Variants in NYNRIN observed in about 807,000 individuals in gnomAD.
NYNRIN encodes the protein NYN domain and retroviral integrase containing, also known as protein NYNRIN.
A neutral mutation model predicts 146.6 loss-of-function variants in NYNRIN; 86 were observed. The observed-to-expected ratio is 0.59, with a 90% CI of 0.49 to 0.70. The LOEUF is 0.70. Among genes scored for constraint, NYNRIN ranks in the 30% least tolerant of loss-of-function variants. The pLI, the probability that NYNRIN is intolerant of heterozygous loss-of-function variation, is 0.00. For missense variants in NYNRIN, 2,191 were observed against 2,377.7 expected (o/e 0.92, Z 1.63); for synonymous variants, 1,027 against 1,001.3 (o/e 1.03, Z -0.48).
At chr14:24,406,940 C>T (rs1299375572) in intron 2 of NYNRIN, among the ~76,000 whole-genome samples, 1 of 152,202 alleles carries the variant, frequency 6.6e-6, no homozygotes, top group African/African-American at 2.4e-5. Context: ...CTTGGTCTGC[C>T]CAGAAAGCCA....
At chr14:24,403,354 C>T (rs1028731262) in intron 2 of NYNRIN, among the ~76,000 whole-genome samples, 1 of 152,182 alleles carries the variant, frequency 6.6e-6, no homozygotes. Flanking sequence ...TCTTTTGGTT[C>T]TAAATTTTTT....
chr14:24,411,078 A>G lies in NYNRIN; in HGVS notation c.2417A>G (p.His806Arg). 1 of 1,613,762 alleles carries G rather than the reference A, an allele frequency of 6.2e-7. No homozygotes were observed. Among genetic ancestry groups the G allele is most frequent in the Non-Finnish European group, 8.5e-7 (1 of 1,179,848 alleles). ...VIDGSSVAMV[H>R]GLQHFFSCRG... is the part of the protein sequence containing the mutation. ...TTCCTTGTCCCACGACCCCACAGGCATGGCCTGCAGCACTTCTTCTCCTGC... is the reference window on the plus strand; with the variant it reads ...TTCCTTGTCCCACGACCCCACAGGCGTGGCCTGCAGCACTTCTTCTCCTGC... The change falls in exon 5 of 9, where the codon CAT (histidine) becomes CGT (arginine). Residue 806 changes from histidine to arginine, a missense_variant and splice_region_variant. Around this residue, in one of 3 missense-constraint regions of NYNRIN, gnomAD observed 1,291 missense variants for 1,417.0 expected, o/e 0.91. Coordinates refer to ENST00000382554, the MANE Select transcript of NYNRIN (RefSeq NM_025081.3). This position sits in a 1 kb window ranked among gnomAD's most constrained non-coding sequence, Gnocchi z 4.3.
Position 24,413,014 on chromosome 14 carries a change from C to T in NYNRIN, c.2660C>T (p.Ala887Val). Residue 887 changes from alanine to valine, a missense_variant, in exon 7 of 9, where the codon GCA becomes GTA. Coordinates refer to ENST00000382554, the MANE Select transcript of NYNRIN (RefSeq NM_025081.3). ...CCCTGCAGGTTCATGGTAAAGCTGGCAGAGGAGACAGATGGCATCATTGTC... is the reference window on the plus strand; with the variant it reads ...CCCTGCAGGTTCATGGTAAAGCTGGTAGAGGAGACAGATGGCATCATTGTC... ...TYDYRFMVKL[A>V]EETDGIIVTN... 1 of 1,597,958 alleles carries T rather than the reference C, an allele frequency of 6.3e-7. No homozygotes were observed. Among genetic ancestry groups the T allele is most frequent in the Non-Finnish European group, 8.5e-7 (1 of 1,171,982 alleles).
intron 2 of NYNRIN, among the ~76,000 whole-genome samples, chr14:24,400,598 G>GT (rs1174657388): frequency 2.0e-5 from 3 of 152,102 alleles, no homozygotes; most frequent in African/African-American, 7.2e-5. Context: ...TTTGACAGAG[G>GT]TGCTAGGAGG....
At chr14:24,414,458 G>C in intron 8 of NYNRIN, 138 bp from the exon 9 acceptor site, 5 of 1,314,924 alleles carry the variant, frequency 3.8e-6, no homozygotes, top group Non-Finnish European at 5.0e-6. Flanking sequence ...GGGCCCAATT[G>C]TGCCTATGCC....
chr14:24,414,264 G>C (rs2042930109), intron 8 of NYNRIN, among the ~76,000 whole-genome samples: 2 of 152,236 alleles, frequency 1.3e-5, no homozygotes, highest in South Asian at 4.1e-4. Context: ...CCCTTTTCCA[G>C]GATTGCTCAT....
In NYNRIN at chr14:24,415,688, G is replaced by T. The variant is rs779890793; in HGVS notation, c.3939G>T (p.Ser1313=). ...DLSTFVCIHM[S]GYCFYREDEW... ...CCACGTTCGTCTGCATCCACATGTC[G>T]GGCTACTGCTTCTACCGTGAGGATG... Residue 1313 remains serine, a synonymous_variant, in exon 9 of 9, where the codon TCG becomes TCT. Coordinates refer to ENST00000382554, the MANE Select transcript of NYNRIN (RefSeq NM_025081.3). 1 of 1,613,876 alleles carries T rather than the reference G, an allele frequency of 6.2e-7. No individual in the cohort carries two copies. Among genetic ancestry groups the T allele is most frequent in the South Asian group, 1.1e-5 (1 of 91,064 alleles).
Position 24,414,247 on chromosome 14 carries a change from C to A in NYNRIN, c.2847-349C>A, listed in dbSNP as rs190253645. Among the ~76,000 whole-genome samples, 42 of 152,370 alleles carry A rather than the reference C, an allele frequency of 2.8e-4. 1 individual carries two copies. In the East Asian group the frequency reaches 7.7e-3, roughly 28 times the overall value. ...CAGGCTCTCCTTCACTTTGGTGACA[C>A]TGCCCCCCCTTTTCCAGGATTGCTC... On this transcript the variant is annotated intron_variant, in intron 8 of 8. Coordinates refer to ENST00000382554, the MANE Select transcript of NYNRIN (RefSeq NM_025081.3).
At position 24,413,323 on chromosome 14, in the gene NYNRIN, C is replaced by A. The variant is rs368021960; in HGVS notation, c.2752C>A (p.Pro918Thr). 1 of 1,612,590 alleles carries A rather than the reference C, an allele frequency of 6.2e-7. No individual in the cohort carries two copies. The highest frequency in any genetic ancestry group is 1.3e-5 in the African/African-American group (1 of 74,904). The change falls in exon 8 of 9, where the codon CCT (proline) becomes ACT (threonine). Residue 918 changes from proline to threonine, a missense_variant. Transcript: ENST00000382554. ...TTCTCCCCCTGGGCCCAGCTTGCTGCCTTTCACCTTTGCGGGGAATCTCTT... is the reference window on the plus strand; with the variant it reads ...TTCTCCCCCTGGGCCCAGCTTGCTGACTTTCACCTTTGCGGGGAATCTCTT... Reference protein sequence around the residue: ...KKLMVKDRLLPFTFAGNLFMV... With the variant: ...KKLMVKDRLLTFTFAGNLFMV...
At position 24,404,145 on chromosome 14, in the gene NYNRIN, G is replaced by A. The variant is rs370108521; in HGVS notation, c.199-3724G>A. ...GGGAAATGTGGGGAAGTATTTAGTC[G>A]ATGATTTCCTCTCCTGTGCTATCTC... On this transcript the variant is annotated intron_variant, in intron 2 of 8. Coordinates refer to ENST00000382554, the MANE Select transcript of NYNRIN (RefSeq NM_025081.3). 2.6e-5 allele frequency among the ~76,000 whole-genome samples: 4 copies of A among 152,302 alleles called. No homozygotes were observed. In the East Asian group the frequency reaches 5.8e-4, roughly 22 times the overall value.
In NYNRIN at chr14:24,409,688, G is replaced by C. The variant is rs1015112049; in HGVS notation, c.1894G>C (p.Val632Leu). The C allele has an allele frequency of 2.5e-6, 4 of 1,605,994 alleles. No homozygotes were observed. Residue 632 changes from valine to leucine, a missense_variant, in exon 4 of 9, where the codon GTA becomes CTA. Coordinates refer to ENST00000382554, the MANE Select transcript of NYNRIN (RefSeq NM_025081.3). ...PKTPQAQKMPVAKTSPAGPKT... is the reference protein window; with the variant it reads ...PKTPQAQKMPLAKTSPAGPKT... ...AACTCCCCAGGCTCAGAAGATGCCT[G>C]TAGCAAAAACATCACCTGCAGGTCC...
rs1566489353 is a variant in NYNRIN, at chr14:24,418,187, C to T, written c.*741C>T. 2.2e-6 allele frequency: 1 copy of T among 447,408 alleles called. No individual in the cohort carries two copies. Among genetic ancestry groups the T allele is most frequent in the African/African-American group, 2.0e-5 (1 of 49,648 alleles). 27.7% of individuals were successfully genotyped at this position (447,408 alleles called of 1,614,324 possible). A position where few individuals can be genotyped will look rare whatever the true frequency, so the allele number is the denominator to read the frequency against. On this transcript the variant is annotated 3_prime_UTR_variant, in exon 9 of 9. Transcript: ENST00000382554. Reference sequence around the variant, plus strand: ...TGACTCCAGCCAATGGAGACAATTCCTGACCCCTGCTTTGATGGTGTTGAC... The same window carrying T: ...TGACTCCAGCCAATGGAGACAATTCTTGACCCCTGCTTTGATGGTGTTGAC...
chr14:24,404,498 T>C (rs1337213824), intron 2 of NYNRIN, among the ~76,000 whole-genome samples: 1 of 152,220 alleles, frequency 6.6e-6, no homozygotes, highest in Non-Finnish European at 1.5e-5. Flanking sequence ...TTTCTCTTCT[T>C]TCAGGTTGCT....
In NYNRIN at chr14:24,411,938, C is replaced by T. The variant is rs1395783038; in HGVS notation, c.2642+488C>T. Reference sequence around the variant, plus strand: ...CTGAATGCTTGCCTGCTTGTCAATCCTAAGCGCCCACCCCTCAGCATGGCT... The same window carrying T: ...CTGAATGCTTGCCTGCTTGTCAATCTTAAGCGCCCACCCCTCAGCATGGCT... On this transcript the variant is annotated intron_variant, in intron 6 of 8. Transcript: ENST00000382554. This position sits in a 1 kb window ranked among gnomAD's most constrained non-coding sequence, Gnocchi z 4.3. Among the ~76,000 whole-genome samples, 3 of 152,160 alleles carry T rather than the reference C, an allele frequency of 2.0e-5. No individual in the cohort carries two copies. The highest frequency in any genetic ancestry group is 6.5e-5 in the Admixed American group (1 of 15,278).
In NYNRIN at chr14:24,408,409, A is replaced by G. The variant is rs772314423; in HGVS notation, c.739A>G (p.Met247Val). ...VGESPGPFVD[M>V]GTLQNRGPEN... ...AGAGAGTCCTGGACCCTTTGTGGAC[A>G]TGGGGACCCTCCAGAACAGGGGCCC... The change falls in exon 3 of 9, where the codon ATG (methionine) becomes GTG (valine). Residue 247 changes from methionine (M) to valine (V), a missense_variant. Physicochemically the swap from Met to Val is conservative, Grantham distance 21. Coordinates refer to ENST00000382554, the MANE Select transcript of NYNRIN (RefSeq NM_025081.3). 1 of 1,613,808 alleles carries G rather than the reference A, an allele frequency of 6.2e-7. No individual in the cohort carries two copies. Among genetic ancestry groups the G allele is most frequent in the Non-Finnish European group, 8.5e-7 (1 of 1,179,868 alleles).
chr14:24,416,778 C>T lies in NYNRIN; in HGVS notation c.5029C>T (p.Leu1677=), dbSNP rs1462836405. The T allele has an allele frequency of 6.2e-7, 1 of 1,613,496 alleles. No homozygotes were observed. Residue 1677 remains leucine (L), a synonymous_variant, in exon 9 of 9, where the codon CTG becomes TTG. Coordinates refer to ENST00000382554, the MANE Select transcript of NYNRIN (RefSeq NM_025081.3). The part of the protein sequence containing the change: ...VFARWGVPVR[L]EAAQGPQFAR... ...TGCAAGGTGGGGTGTTCCTGTGAGG[C>T]TGGAGGCAGCCCAGGGGCCCCAGTT...
chr14:24,399,755 C>G (rs1414420164), intron 2 of NYNRIN, among the ~76,000 whole-genome samples: 1 of 152,186 alleles, frequency 6.6e-6, no homozygotes, highest in Non-Finnish European at 1.5e-5. Flanking sequence ...GGCCAGGGCC[C>G]CAGCATCAGC....
chr14:24,418,270 T>C lies in NYNRIN; in HGVS notation c.*824T>C, dbSNP rs1354733341. 1 of 456,528 alleles carries C rather than the reference T, an allele frequency of 2.2e-6. No individual in the cohort carries two copies. Among genetic ancestry groups the C allele is most frequent in the East Asian group, 7.0e-5 (1 of 14,354 alleles). 28.3% of individuals were successfully genotyped at this position (456,528 alleles called of 1,614,324 possible). ...TGGCATCTCTATCTGAAGAGCTGCT[T>C]CTGTTAGACCCAGGGGCCCCGGCCT... On this transcript the variant is annotated 3_prime_UTR_variant, in exon 9 of 9. Coordinates refer to ENST00000382554, the MANE Select transcript of NYNRIN (RefSeq NM_025081.3).
In NYNRIN at chr14:24,409,952, G is replaced by A. The variant is rs759887246; in HGVS notation, c.2158G>A (p.Ala720Thr). ...CTCCTTACTGAAGGGCCAGGGGCAG[G>A]CTGGAAGGCAGGGTCCCCAGTCCAG... Reference protein sequence around the residue: ...SVSLLKGQGQAGRQGPQSSGT... With the variant: ...SVSLLKGQGQTGRQGPQSSGT... Residue 720 changes from alanine to threonine, a missense_variant, in exon 4 of 9, where the codon GCT (alanine) becomes ACT (threonine). Physicochemically the swap from Ala to Thr is moderately conservative, Grantham distance 58. Around this residue, in one of 3 missense-constraint regions of NYNRIN, gnomAD observed 895 missense variants for 941.2 expected, o/e 0.95. Coordinates refer to ENST00000382554, the MANE Select transcript of NYNRIN (RefSeq NM_025081.3). The A allele has an allele frequency of 1.2e-6, 2 of 1,613,802 alleles. No individual in the cohort carries two copies. The highest frequency in any genetic ancestry group is 2.2e-5 in the South Asian group (2 of 91,040).
Sources: gnomAD v4.1 joint callset for allele counts (sites outside exome capture counted in the v4.1 genomes callset) on GRCh38, gnomAD v4.1.1 for gene constraint, gnomAD v4.1.1 regional missense constraint, Gnocchi (gnomAD v3.1) non-coding constraint, MANE v1.5 for transcripts, NCBI Gene and HGNC (gene_info 2026-07-23, HGNC 2026-07-21) for gene names.